The following GRIA4 variants were observed in gnomAD, a reference collection of about 807,000 sequenced individuals.
GRIA4 encodes the protein glutamate receptor 4.
GRIA4 carries 34 observed loss-of-function variants against 104.0 expected under a neutral mutation model. The ratio of observed to expected loss-of-function variants is 0.33; its 90% CI spans 0.25 to 0.44. GRIA4 has a LOEUF of 0.44. Among genes scored for constraint, GRIA4 ranks in the 20% least tolerant of loss-of-function variants. The pLI is 1.00. For synonymous variants in GRIA4, 386 were observed against 381.9 expected, an observed-to-expected ratio of 1.01 and a Z score of -0.13; for missense variants, 750 against 1,096.5, an observed-to-expected ratio of 0.68 and a Z score of 4.46.
intron 3 of GRIA4, among the ~76,000 whole-genome samples, chr11:105,625,721 G>C (rs1764483413): frequency 6.6e-6 from 1 of 152,088 alleles, no homozygotes; most frequent in African/African-American, 2.4e-5. Flanking sequence ...TACGTATAAA[G>C]AGTTGTCCAA....
chr11:105,699,565 AT>A (rs140336736), intron 3 of GRIA4, among the ~76,000 whole-genome samples: 4,066 of 151,796 alleles, frequency 0.027, 99 homozygotes, highest in African/African-American at 0.065. Flanking sequence ...TCTACTTTCT[AT>A]TTTTTTTATT....
At chr11:105,708,961 A>G (rs1953810229) in intron 3 of GRIA4, among the ~76,000 whole-genome samples, 1 of 152,104 alleles carries the variant, frequency 6.6e-6, no homozygotes, top group African/African-American at 2.4e-5. Flanking sequence ...CATAATGTGG[A>G]CATTCCAAGA....
At chr11:105,970,607 C>A (rs1208533720) in intron 14 of GRIA4, among the ~76,000 whole-genome samples, 4 of 152,096 alleles carry the variant, frequency 2.6e-5, no homozygotes, top group South Asian at 2.1e-4. Context: ...GTCATGATCA[C>A]CATCATTCTT....
intron 6 of GRIA4, among the ~76,000 whole-genome samples, chr11:105,888,691 G>A (rs1048052934): frequency 1.3e-5 from 2 of 151,896 alleles, no homozygotes; most frequent in Non-Finnish European, 2.9e-5. Context: ...CATTCTTTCC[G>A]TATGGCAAGT....
chr11:105,954,202 T>C lies in GRIA4; in HGVS notation c.2295-17712T>C, dbSNP rs535826502. Among the ~76,000 whole-genome samples the C allele has an allele frequency of 1.2e-4, 19 of 152,168 alleles. 1 individual carries two copies. Among genetic ancestry groups the C allele is most frequent in the African/African-American group, 3.1e-4 (13 of 41,448 alleles). On this transcript the variant is annotated intron_variant, in intron 14 of 16. Transcript: ENST00000282499. ...CATCACATGTCCTCCAGCCTGTGAC[T>C]AGAGGGACAAAACCAACTGAACCAA... is the stretch of plus-strand genomic sequence containing the variant.
intron 4 of GRIA4, among the ~76,000 whole-genome samples, chr11:105,800,878 G>A (rs1488199119): frequency 6.6e-6 from 1 of 151,810 alleles, no homozygotes; most frequent in African/African-American, 2.4e-5. Flanking sequence ...TATTAGCCTA[G>A]AATCATAAAA....
chr11:105,857,330 T>C (rs535140114), intron 4 of GRIA4, among the ~76,000 whole-genome samples: 1 of 152,136 alleles, frequency 6.6e-6, no homozygotes, highest in African/African-American at 2.4e-5. Context: ...CAGTTTTGGA[T>C]ACTGACAAAT....
intron 3 of GRIA4, among the ~76,000 whole-genome samples, chr11:105,647,959 AAAAT>A (rs57841251): frequency 0.46 from 67,819 of 147,690 alleles, 15,577 homozygotes; most frequent in East Asian, 0.56. Context: ...CCCCTGTATG[AAAAT>A]AAATAAATAA....
At position 105,981,360 on chromosome 11, in the gene GRIA4, G is replaced by A. The variant is rs1348010530; in HGVS notation, c.*1621G>A. 1.3e-5 allele frequency: 2 copies of A among 152,584 alleles called. No homozygotes were observed. The highest frequency in any genetic ancestry group is 2.9e-5 in the Non-Finnish European group (2 of 68,056). The allele number at this position is 152,584 out of a possible 1,614,324, so 9.5% of individuals were successfully genotyped here. On this transcript the variant is annotated 3_prime_UTR_variant, in exon 17 of 17. Transcript: ENST00000282499. The stretch of plus-strand genomic sequence containing the variant: ...GTGTTAAGAGCCATATGAGTGAGCA[G>A]TGGCCCAAAGCCATGCACATCAGTG...
intron 3 of GRIA4, among the ~76,000 whole-genome samples, chr11:105,747,235 A>G: frequency 6.6e-6 from 1 of 152,220 alleles, no homozygotes; most frequent in East Asian, 1.9e-4. Context: ...ACTTTGGAGA[A>G]ATATTTCTCC....
intron 14 of GRIA4, among the ~76,000 whole-genome samples, chr11:105,949,293 T>G (rs1309542765): frequency 6.6e-6 from 1 of 152,210 alleles, no homozygotes; most frequent in Non-Finnish European, 1.5e-5. Flanking sequence ...CAAAATTCAT[T>G]AGTTGCCTTA....
Position 105,748,383 on chromosome 11 carries a change from A to AT in GRIA4, c.248-4585dup, listed in dbSNP as rs34745477. On this transcript the variant is annotated intron_variant, in intron 3 of 16. Transcript: ENST00000282499. ...AAAGTCACACAGAATCACTTTTGTGATTTTTTTTTTTTTGAGACGGAGTTT... is the reference window on the plus strand; with the variant it reads ...AAAGTCACACAGAATCACTTTTGTGATTTTTTTTTTTTTTGAGACGGAGTTT... Among the ~76,000 whole-genome samples the AT allele has an allele frequency of 8.7e-3, 1,280 of 147,928 alleles. 45 individuals are homozygous for AT. The highest frequency in any genetic ancestry group is 0.065 in the East Asian group (326 of 5,024).
intron 3 of GRIA4, chr11:105,614,194 T>A (rs1319981855): frequency 6.6e-6 from 1 of 151,640 alleles, no homozygotes; most frequent in Non-Finnish European, 1.5e-5. Context: ...TTAATTATTA[T>A]TATTAAATTT....
intron 3 of GRIA4, among the ~76,000 whole-genome samples, chr11:105,660,228 C>T (rs1229635733): frequency 6.6e-6 from 1 of 151,436 alleles, no homozygotes; most frequent in Non-Finnish European, 1.5e-5. Flanking sequence ...ACTAGGTGTC[C>T]AAAACACTGA....
intron 3 of GRIA4, among the ~76,000 whole-genome samples, chr11:105,627,222 G>C (rs1466743631): frequency 1.3e-5 from 2 of 152,116 alleles, no homozygotes; most frequent in African/African-American, 4.8e-5. Context: ...CAGCATTACA[G>C]GAAAAAGTGT....
intron 3 of GRIA4, among the ~76,000 whole-genome samples, chr11:105,672,749 T>A (rs1487134423): frequency 6.6e-6 from 1 of 152,104 alleles, no homozygotes; most frequent in African/African-American, 2.4e-5. Context: ...ACACACAATT[T>A]ACCTGCAAGT....
chr11:105,673,742 T>C (rs930634428), intron 3 of GRIA4, among the ~76,000 whole-genome samples: 8 of 152,002 alleles, frequency 5.3e-5, no homozygotes, highest in African/African-American at 1.9e-4. Flanking sequence ...CTCACATTTC[T>C]TAAAAATAAA....
intron 4 of GRIA4, among the ~76,000 whole-genome samples, chr11:105,856,580 T>C (rs1945014696): frequency 6.6e-6 from 1 of 152,140 alleles, no homozygotes; most frequent in South Asian, 2.1e-4. Context: ...TATATCTAGC[T>C]GAAAGAGAAG....
At position 105,912,107 on chromosome 11, in the gene GRIA4, T is replaced by C. The variant is rs564002328; in HGVS notation, c.1269+1562T>C. ...AACAAAAGAAGAATTAATCTTCATC[T>C]TTCTCAAGAAATAGATGTTGACAAA... On this transcript the variant is annotated intron_variant, in intron 10 of 16. Coordinates refer to ENST00000282499, the MANE Select transcript of GRIA4 (RefSeq NM_000829.4). 7.3e-6 allele frequency: 8 copies of C among 1,098,212 alleles called. No homozygotes were observed. In the East Asian group the frequency reaches 4.0e-4, roughly 55 times the overall value. 68.0% of individuals were successfully genotyped at this position (1,098,212 alleles called of 1,614,324 possible).
Sources: gnomAD v4.1 joint callset for allele counts (sites outside exome capture counted in the v4.1 genomes callset) on GRCh38, gnomAD v4.1.1 for gene constraint, MANE v1.5 for transcripts, NCBI Gene and HGNC (gene_info 2026-07-23, HGNC 2026-07-21) for gene names.